Variants in CYP7B1 observed in about 807,000 individuals in gnomAD.
CYP7B1 encodes cytochrome P450 family 7 subfamily B member 1, also known as cytochrome P450 7B1.
In CYP7B1, 29 loss-of-function variants were observed where a neutral mutation model predicts 42.7. The ratio of observed to expected loss-of-function variants is 0.68; its 90% confidence interval spans 0.51 to 0.93. CYP7B1 has a LOEUF of 0.93. CYP7B1 is among the 40% of genes least tolerant of loss of function. CYP7B1 has a pLI of 0.00. For synonymous variants in CYP7B1, 235 were observed against 218.2 expected (o/e 1.08, Z -0.68); for missense variants, 655 against 600.5 (o/e 1.09, Z -0.95).
intron 1 of CYP7B1, among the ~76,000 whole-genome samples, chr8:64,750,534 C>T (rs747540527): frequency 1.1e-4 from 16 of 152,214 alleles, no homozygotes; most frequent in Non-Finnish European, 1.5e-4. Flanking sequence ...TGTTTCCCAA[C>T]TTGATCCAAG....
chr8:64,675,285 A>C (rs994960108), intron 1 of CYP7B1, among the ~76,000 whole-genome samples: 4 of 152,080 alleles, frequency 2.6e-5, no homozygotes, highest in African/African-American at 9.7e-5. Context: ...ATGCTAGCAC[A>C]GTGATTGTAA....
chr8:64,690,104 G>A (rs1466251509), intron 1 of CYP7B1, among the ~76,000 whole-genome samples: 2 of 152,060 alleles, frequency 1.3e-5, no homozygotes, highest in Admixed American at 1.3e-4. Flanking sequence ...TATTTAAAAA[G>A]TAATGATCGG....
intron 1 of CYP7B1, among the ~76,000 whole-genome samples, chr8:64,713,563 ATGTC>A (rs1487157884): frequency 2.0e-5 from 3 of 152,158 alleles, no homozygotes; most frequent in Non-Finnish European, 4.4e-5. Flanking sequence ...GAAAAATGAA[ATGTC>A]TGTAACAAAA....
intron 1 of CYP7B1, among the ~76,000 whole-genome samples, chr8:64,757,737 CTTCT>C (rs1807828350): frequency 6.6e-6 from 1 of 152,220 alleles, no homozygotes; most frequent in African/African-American, 2.4e-5. Context: ...TGCCTCTGGG[CTTCT>C]TTGATACTAC....
intron 1 of CYP7B1, among the ~76,000 whole-genome samples, chr8:64,797,568 T>C (rs1390978890): frequency 6.6e-6 from 1 of 152,138 alleles, no homozygotes; most frequent in Non-Finnish European, 1.5e-5. Context: ...TCTAGAAATG[T>C]CCATAGATAT....
intron 1 of CYP7B1, among the ~76,000 whole-genome samples, chr8:64,719,481 A>T (rs7842113): frequency 0.97 from 147,324 of 152,314 alleles, 71,357 homozygotes; most frequent in African/African-American, 0.99. Context: ...GCTGCTTGTC[A>T]AAGTGACTTA....
At chr8:64,707,670 C>T (rs1807020612) in intron 1 of CYP7B1, among the ~76,000 whole-genome samples, 2 of 152,024 alleles carry the variant, frequency 1.3e-5, no homozygotes, top group Non-Finnish European at 2.9e-5. Flanking sequence ...TTCATCCAAA[C>T]ATTTACATTT....
At chr8:64,698,624 G>A (rs573725343) in intron 1 of CYP7B1, among the ~76,000 whole-genome samples, 3 of 152,268 alleles carry the variant, frequency 2.0e-5, no homozygotes, top group African/African-American at 7.2e-5. Context: ...GATATTTACA[G>A]TTATTACTTA....
chr8:64,608,303 G>T (rs1805312745), intron 4 of CYP7B1, among the ~76,000 whole-genome samples: 1 of 152,220 alleles, frequency 6.6e-6, no homozygotes, highest in South Asian at 2.1e-4. Flanking sequence ...CTCATTTGCA[G>T]ATTTACAGCA....
chr8:64,664,957 C>T (rs1485619873), intron 1 of CYP7B1, among the ~76,000 whole-genome samples: 1 of 152,118 alleles, frequency 6.6e-6, no homozygotes, highest in East Asian at 1.9e-4. Flanking sequence ...CTCTGCCAGT[C>T]CCACTAGCAT....
At chr8:64,695,570 A>T (rs566067879) in intron 1 of CYP7B1, among the ~76,000 whole-genome samples, 1 of 149,568 alleles carries the variant, frequency 6.7e-6, no homozygotes, top group South Asian at 2.1e-4. Context: ...TGCACTTTTT[A>T]AAAAGAACAA....
At chr8:64,641,972 C>T (rs926712016) in intron 1 of CYP7B1, among the ~76,000 whole-genome samples, 7 of 152,166 alleles carry the variant, frequency 4.6e-5, no homozygotes, top group African/African-American at 1.7e-4. Flanking sequence ...TTATTTGTTA[C>T]TGCAGTGTAA....
intron 4 of CYP7B1, among the ~76,000 whole-genome samples, chr8:64,608,389 C>T (rs891343060): frequency 6.6e-6 from 1 of 152,190 alleles, no homozygotes; most frequent in Non-Finnish European, 1.5e-5. Context: ...TTCTGCCTCA[C>T]ACTTAGGCCC....
intron 2 of CYP7B1, among the ~76,000 whole-genome samples, chr8:64,616,937 C>A (rs939807944): frequency 6.6e-6 from 1 of 152,142 alleles, no homozygotes; most frequent in African/African-American, 2.4e-5. Flanking sequence ...TCATCCATTC[C>A]TTCAGGAAGT....
chr8:64,635,970 C>T (rs1805763586), intron 1 of CYP7B1, among the ~76,000 whole-genome samples: 1 of 152,152 alleles, frequency 6.6e-6, no homozygotes, highest in African/African-American at 2.4e-5. Flanking sequence ...AAGTCTAGAA[C>T]TTTGTTGTTG....
At chr8:64,686,234 G>T (rs1585855466) in intron 1 of CYP7B1, among the ~76,000 whole-genome samples, 1 of 54,166 alleles carries the variant, frequency 1.8e-5, no homozygotes. Flanking sequence ...GAGGTGGGGG[G>T]GTCGGCCCCC....
chr8:64,749,352 A>T (rs1440688004), intron 1 of CYP7B1, among the ~76,000 whole-genome samples: 1 of 152,144 alleles, frequency 6.6e-6, no homozygotes, highest in African/African-American at 2.4e-5. Flanking sequence ...AAGTGCTGGG[A>T]TTACAGGTGT....
intron 1 of CYP7B1, among the ~76,000 whole-genome samples, chr8:64,627,338 T>C (rs1429579944): frequency 6.6e-6 from 1 of 152,212 alleles, no homozygotes; most frequent in Non-Finnish European, 1.5e-5. Flanking sequence ...CGCATGTAAC[T>C]GTAGAGTAGG....
intron 1 of CYP7B1, among the ~76,000 whole-genome samples, chr8:64,711,140 A>C (rs1033069589): frequency 1.3e-5 from 2 of 152,180 alleles, no homozygotes; most frequent in African/African-American, 4.8e-5. Context: ...AATCTCTCAA[A>C]GTTTAATACA....
Sources: allele counts gnomAD v4.1 joint callset (sites outside exome capture counted in the v4.1 genomes callset), GRCh38; gene constraint gnomAD v4.1.1; transcripts MANE v1.5; gene names NCBI Gene and HGNC (gene_info 2026-07-23, HGNC 2026-07-21).